Variants in LRRC4C observed in about 807,000 individuals in gnomAD.
LRRC4C encodes the protein leucine-rich repeat-containing protein 4C.
LRRC4C carries 5 observed loss-of-function variants against 33.6 expected under a neutral mutation model. The observed-to-expected ratio is 0.15, with a 90% CI of 0.08 to 0.31. LRRC4C has a LOEUF of 0.31. Ranked by LOEUF, LRRC4C falls within the 10% of genes least tolerant of loss-of-function variation. LRRC4C has a pLI of 1.00. For synonymous variants in LRRC4C, 329 were observed against 302.0 expected (o/e 1.09, Z -0.93); for missense variants, 560 against 796.7 (o/e 0.70, Z 3.58).
intron 3 of LRRC4C, among the ~76,000 whole-genome samples, chr11:40,399,116 T>C (rs1045766565): frequency 1.3e-5 from 2 of 152,084 alleles, no homozygotes; most frequent in Non-Finnish European, 2.9e-5. Context: ...GCAAGGATGG[T>C]AGAAGAGTTA....
chr11:40,219,863 C>G (rs531958119), intron 5 of LRRC4C, among the ~76,000 whole-genome samples: 1 of 152,172 alleles, frequency 6.6e-6, no homozygotes. Flanking sequence ...ATATAGTATT[C>G]ATGCTAAATG....
rs528205451 is a variant in LRRC4C at position 40,714,098 on chromosome 11, C to T, written c.-406-65820G>A. On this transcript the variant is annotated intron_variant, in intron 2 of 6. Coordinates refer to ENST00000528697, the MANE Select transcript of LRRC4C (RefSeq NM_001258419.2). ...TCCATATGATGCAGAACTCAGGTGT[C>T]CAACAGCCAGCCCCACCTTGCCAGC... Among the ~76,000 whole-genome samples, 5 of 152,242 alleles carry T rather than the reference C, an allele frequency of 3.3e-5. No individual in the cohort carries two copies. In the South Asian group the frequency reaches 1.0e-3, roughly 32 times the overall value.
intron 1 of LRRC4C, among the ~76,000 whole-genome samples, chr11:41,369,088 C>T (rs775481872): frequency 5.9e-5 from 9 of 151,964 alleles, no homozygotes; most frequent in Non-Finnish European, 1.3e-4. Flanking sequence ...ATTAGTCAAG[C>T]ACCAATCATA....
chr11:40,267,262 A>G (rs911879779), intron 4 of LRRC4C, among the ~76,000 whole-genome samples: 2 of 152,204 alleles, frequency 1.3e-5, no homozygotes, highest in Non-Finnish European at 2.9e-5. Context: ...ACTAAGTTGT[A>G]ACTGAATTAC....
intron 1 of LRRC4C, among the ~76,000 whole-genome samples, chr11:41,316,262 C>CAAAAAAAA (rs60671406): frequency 9.4e-4 from 73 of 77,988 alleles, no homozygotes; most frequent in African/African-American, 1.3e-3. Context: ...CTCTGGATGG[C>CAAAAAAAA]AAAAAAAAAA....
At chr11:40,914,493 G>A (rs1192806950) in intron 2 of LRRC4C, among the ~76,000 whole-genome samples, 5 of 152,004 alleles carry the variant, frequency 3.3e-5, no homozygotes, top group East Asian at 3.9e-4. Flanking sequence ...GACAAAATTC[G>A]ACAACCCTTC....
intron 3 of LRRC4C, among the ~76,000 whole-genome samples, chr11:40,450,090 GTTA>G (rs1023259366): frequency 7.2e-5 from 11 of 152,000 alleles, no homozygotes; most frequent in Admixed American, 2.6e-4. Flanking sequence ...ATAATGTATT[GTTA>G]TTATAGCAAT....
intron 1 of LRRC4C, among the ~76,000 whole-genome samples, chr11:41,021,212 A>AGTGTGTGT (rs1855956842): frequency 1.5e-5 from 2 of 133,580 alleles, no homozygotes; most frequent in Admixed American, 7.7e-5. Context: ...AGAGAGAGAG[A>AGTGTGTGT]GAGTGTGTGT....
intron 3 of LRRC4C, among the ~76,000 whole-genome samples, chr11:40,456,657 A>C (rs1363442485): frequency 6.6e-6 from 1 of 152,054 alleles, no homozygotes; most frequent in East Asian, 1.9e-4. Context: ...CTTTAGATTG[A>C]AAAAATTCTC....
chr11:41,393,237 C>G (rs553351075), intron 1 of LRRC4C, among the ~76,000 whole-genome samples: 8 of 151,972 alleles, frequency 5.3e-5, no homozygotes, highest in Admixed American at 4.6e-4. Flanking sequence ...TTACGGGAAC[C>G]ATCTGGGAGA....
intron 2 of LRRC4C, among the ~76,000 whole-genome samples, chr11:40,799,348 A>C (rs1220776143): frequency 6.6e-6 from 1 of 152,202 alleles, no homozygotes; most frequent in Non-Finnish European, 1.5e-5. Context: ...ATTATTTGTC[A>C]ATTAAAAAAA....
rs1855698804 is a variant in LRRC4C, at chr11:41,017,807, T to C, written c.-495-84084A>G. Among the ~76,000 whole-genome samples, 5 of 150,342 alleles carry C rather than the reference T, an allele frequency of 3.3e-5. No individual in the cohort carries two copies. In the South Asian group the frequency reaches 1.0e-3, roughly 31 times the overall value. On this transcript the variant is annotated intron_variant, in intron 1 of 6. Transcript: ENST00000528697. ...ATTAATAATTTGGGTATATATAATA[T>C]ATAAAACATATGGCAAAATACACAG...
At chr11:41,380,977 A>C (rs1239391226) in intron 1 of LRRC4C, among the ~76,000 whole-genome samples, 1 of 152,170 alleles carries the variant, frequency 6.6e-6, no homozygotes, top group African/African-American at 2.4e-5. Flanking sequence ...TTTCCTATGA[A>C]TCCATATTAT....
intron 3 of LRRC4C, among the ~76,000 whole-genome samples, chr11:40,416,525 C>T (rs983072322): frequency 1.3e-5 from 2 of 152,058 alleles, no homozygotes; most frequent in Non-Finnish European, 2.9e-5. Flanking sequence ...CTTCAACTTA[C>T]GTCATTCTGC....
At chr11:40,378,059 A>C (rs1241645059) in intron 3 of LRRC4C, among the ~76,000 whole-genome samples, 1 of 152,086 alleles carries the variant, frequency 6.6e-6, no homozygotes, top group Non-Finnish European at 1.5e-5. Context: ...AGTAAATAGC[A>C]AAGATGAACT....
In LRRC4C at chr11:41,153,204, T is replaced by C. The variant is rs144605646; in HGVS notation, c.-495-219481A>G. 3.7e-4 allele frequency among the ~76,000 whole-genome samples: 57 copies of C among 152,266 alleles called. 1 individual carries two copies. In the East Asian group the frequency reaches 9.8e-3, roughly 26 times the overall value. On this transcript the variant is annotated intron_variant, in intron 1 of 6. Transcript: ENST00000528697. ...AATCTGATTAAAACTGTCATTTCCA[T>C]GAAAAAAATTATTAAATTACACCAA...
At chr11:40,956,675 T>C (rs1958969747) in intron 1 of LRRC4C, among the ~76,000 whole-genome samples, 1 of 151,742 alleles carries the variant, frequency 6.6e-6, no homozygotes, top group South Asian at 2.1e-4. Context: ...TACCTAAAAA[T>C]CAGCAAAAAT....
chr11:40,660,148 C>A (rs1261124896), intron 2 of LRRC4C, among the ~76,000 whole-genome samples: 2 of 152,204 alleles, frequency 1.3e-5, no homozygotes, highest in African/African-American at 4.8e-5. Context: ...CCAGCCACAG[C>A]CTTACACAGA....
At chr11:41,384,282 TAAAAA>T (rs1953268835) in intron 1 of LRRC4C, among the ~76,000 whole-genome samples, 2 of 151,886 alleles carry the variant, frequency 1.3e-5, no homozygotes, top group South Asian at 4.1e-4. Context: ...TCAAGCACAA[TAAAAA>T]CTATGCTAGT....
Sources: gnomAD v4.1 joint callset for allele counts (sites outside exome capture counted in the v4.1 genomes callset) on GRCh38, gnomAD v4.1.1 for gene constraint, MANE v1.5 for transcripts, NCBI Gene and HGNC (gene_info 2026-07-23, HGNC 2026-07-21) for gene names.